Variants in PRSS8 observed in about 807,000 individuals in gnomAD.
PRSS8 encodes the protein serine protease 8.
A neutral mutation model predicts 26.7 loss-of-function variants in PRSS8; 11 were observed. The ratio of observed to expected loss-of-function variants is 0.41; its 90% CI spans 0.26 to 0.68. PRSS8 has a LOEUF of 0.68. Among genes scored for constraint, PRSS8 ranks in the 30% least tolerant of loss-of-function variants. The probability of loss-of-function intolerance (pLI) is 0.30; values close to 1 mark genes in which losing one functional copy is unlikely to be tolerated. For synonymous variants in PRSS8, 183 were observed against 187.0 expected (o/e 0.98, Z 0.17); for missense variants, 362 against 443.5 (o/e 0.82, Z 1.65).
chr16:31,132,896 G>A lies in PRSS8; in HGVS notation c.324C>T (p.Tyr108=). The A allele has an allele frequency of 6.2e-7, 1 of 1,613,662 alleles. No individual in the cohort carries two copies. The highest frequency in any genetic ancestry group is 2.2e-5 in the East Asian group (1 of 44,872). ...VKLGAHQLDS[Y]SEDAKVSTLK... ...GGGTGCTGACCTTGGCGTCCTCGGA[G>A]TAGGAGTCTAGCTGGTGGGCCCCCA... is the stretch of plus-strand genomic sequence containing the variant. The change falls in exon 4 of 6, where the codon TAC becomes TAT. Residue 108 remains tyrosine (Y), a synonymous_variant. Transcript: ENST00000317508. This position sits in a 1 kb window ranked among gnomAD's most constrained non-coding sequence, Gnocchi z 5.2.
Position 31,133,763 on chromosome 16 carries a change from T to C in PRSS8, c.104-375A>G, listed in dbSNP as rs540613126. 6.6e-6 allele frequency among the ~76,000 whole-genome samples: 1 copy of C among 152,338 alleles called. No homozygotes were observed. The highest frequency in any genetic ancestry group is 1.9e-4 in the East Asian group (1 of 5,186). ...GTCCCCTCTGGACCCTTCAGTTGTG[T>C]ACATCAGGCCACACACTTGTTTACC... On this transcript the variant is annotated intron_variant, in intron 2 of 5. Coordinates refer to ENST00000317508, the MANE Select transcript of PRSS8 (RefSeq NM_002773.5). This position sits in a 1 kb window ranked among gnomAD's most constrained non-coding sequence, Gnocchi z 4.7.
rs374244810 is a variant in PRSS8, at chr16:31,133,393, C to T, written c.104-5G>A. The T allele has an allele frequency of 1.5e-4, 249 of 1,613,604 alleles. No homozygotes were observed. The highest frequency in any genetic ancestry group is 2.5e-4 in the Admixed American group (15 of 59,986). ...GGGGGGCCACACCGCAGGGAGCTGCCCAGGGAGGAAGGGAAGGGGTCAGGT... is the reference window on the plus strand; with the variant it reads ...GGGGGGCCACACCGCAGGGAGCTGCTCAGGGAGGAAGGGAAGGGGTCAGGT... On this transcript the variant is annotated splice_region_variant and splice_polypyrimidine_tract_variant and intron_variant, in intron 2 of 5. Transcript: ENST00000317508. This position sits in a 1 kb window ranked among gnomAD's most constrained non-coding sequence, Gnocchi z 4.7.
chr16:31,132,770 G>A lies in PRSS8; in HGVS notation c.450C>T (p.Ile150=). The change falls in exon 4 of 6, where the codon ATC becomes ATT. Residue 150 remains isoleucine (I), a synonymous_variant. Transcript: ENST00000317508. The surrounding 1 kb of genome is among the most constrained non-coding windows in gnomAD (Gnocchi z 5.2). ...TGGCTGCAGGGAGGCAGATGGGCCGGATGTAGCGGGAGAAGGTGATGGGTC... is the reference window on the plus strand; with the variant it reads ...TGGCTGCAGGGAGGCAGATGGGCCGAATGTAGCGGGAGAAGGTGATGGGTC... ...LSRPITFSRY[I]RPICLPAANA... is the part of the protein sequence containing the mutation. 6.2e-7 allele frequency: 1 copy of A among 1,614,018 alleles called. No individual in the cohort carries two copies. Among genetic ancestry groups the A allele is most frequent in the African/African-American group, 1.3e-5 (1 of 75,048 alleles).
Position 31,132,001 on chromosome 16 carries a change from G to A in PRSS8, c.*8C>T, listed in dbSNP as rs1412925739. ...GTGTGATGCATCCATCCTGGAAGTA[G>A]GGCCAGCTCAGTGCTCGCTGAGCCA... On this transcript the variant is annotated 3_prime_UTR_variant, in exon 6 of 6. Coordinates refer to ENST00000317508, the MANE Select transcript of PRSS8 (RefSeq NM_002773.5). The surrounding 1 kb of genome is among the most constrained non-coding windows in gnomAD (Gnocchi z 5.2). 2 of 1,541,890 alleles carry A rather than the reference G, an allele frequency of 1.3e-6. No homozygotes were observed. Among genetic ancestry groups the A allele is most frequent in the Non-Finnish European group, 1.8e-6 (2 of 1,141,988 alleles).
In PRSS8 at chr16:31,132,302, C is replaced by T; in HGVS notation, c.739G>A (p.Glu247Lys). Residue 247 changes from glutamate to lysine, a missense_variant, in exon 6 of 6, where the codon GAG becomes AAG. Glu to Lys is a moderately conservative substitution (Grantham distance 56). Transcript: ENST00000317508. The surrounding 1 kb of genome is among the most constrained non-coding windows in gnomAD (Gnocchi z 5.2). Reference protein sequence around the residue: ...DSGGPLSCPVEGLWYLTGIVS... With the variant: ...DSGGPLSCPVKGLWYLTGIVS... ...ATGCCCGTCAGGTACCAGAGACCCTCCACAGGGCAGGAGAGTGGGCCCCCA... is the reference window on the plus strand; with the variant it reads ...ATGCCCGTCAGGTACCAGAGACCCTTCACAGGGCAGGAGAGTGGGCCCCCA... 1 of 1,613,896 alleles carries T rather than the reference C, an allele frequency of 6.2e-7. No homozygotes were observed. The highest frequency in any genetic ancestry group is 8.5e-7 in the Non-Finnish European group (1 of 1,179,848).
chr16:31,132,800 G>A lies in PRSS8; in HGVS notation c.420C>T (p.Leu140=). Residue 140 remains leucine (L), a synonymous_variant, in exon 4 of 6, where the codon CTC becomes CTT. Coordinates refer to ENST00000317508, the MANE Select transcript of PRSS8 (RefSeq NM_002773.5). This position sits in a 1 kb window ranked among gnomAD's most constrained non-coding sequence, Gnocchi z 5.2. ...GSQGDIALLQ[L]SRPITFSRYI... ...AGCGGGAGAAGGTGATGGGTCTGCT[G>A]AGTTGGAGGAGTGCAATGTCGCCCT... 1.9e-6 allele frequency: 3 copies of A among 1,613,992 alleles called. No homozygotes were observed. The highest frequency in any genetic ancestry group is 2.5e-6 in the Non-Finnish European group (3 of 1,179,880).
chr16:31,133,154 C>G lies in PRSS8; in HGVS notation c.266+72G>C, dbSNP rs138112584. On this transcript the variant is annotated intron_variant, in intron 3 of 5. Coordinates refer to ENST00000317508, the MANE Select transcript of PRSS8 (RefSeq NM_002773.5). This position sits in a 1 kb window ranked among gnomAD's most constrained non-coding sequence, Gnocchi z 4.7. ...GACACTCTCAGACCCAACCCAAGAA[C>G]CCCAACCTCTGACCTGGATTGACCC... 3.6e-4 allele frequency: 575 copies of G among 1,607,262 alleles called. 1 individual carries two copies. In the African/African-American group the frequency reaches 5.9e-3, roughly 16 times the overall value.
Position 31,132,467 on chromosome 16 carries a change from A to G in PRSS8, c.667T>C (p.Cys223Arg). ...EPHFVQEDMV[C>R]AGYVEGGKDA... ...TTGCCCCCCTCCACATAGCCAGCAC[A>G]CACCATGTCCTCTTGGACAAAGTGC... Residue 223 changes from cysteine to arginine, a missense_variant, in exon 5 of 6, where the codon TGT becomes CGT. Coordinates refer to ENST00000317508, the MANE Select transcript of PRSS8 (RefSeq NM_002773.5). This position sits in a 1 kb window ranked among gnomAD's most constrained non-coding sequence, Gnocchi z 5.2. The G allele has an allele frequency of 1.2e-6, 2 of 1,613,970 alleles. No individual in the cohort carries two copies. Among genetic ancestry groups the G allele is most frequent in the Non-Finnish European group, 1.7e-6 (2 of 1,179,868 alleles).
chr16:31,131,899 G>A lies in PRSS8; in HGVS notation c.*110C>T. 1 of 1,268,708 alleles carries A rather than the reference G, an allele frequency of 7.9e-7. No homozygotes were observed. Among genetic ancestry groups the A allele is most frequent in the Non-Finnish European group, 1.1e-6 (1 of 942,666 alleles). 78.6% of individuals were successfully genotyped at this position (1,268,708 alleles called of 1,614,324 possible). A position where few individuals can be genotyped will look rare whatever the true frequency, so the allele number is the denominator to read the frequency against. The stretch of plus-strand genomic sequence containing the variant: ...AGATGGGGCCCCAGCCTCCCGCAGA[G>A]TCCTGAAGGAAGGAGTGGCTCAAGT... On this transcript the variant is annotated 3_prime_UTR_variant, in exon 6 of 6. Transcript: ENST00000317508.
Position 31,133,040 on chromosome 16 carries a change from C to G in PRSS8, c.267-87G>C, listed in dbSNP as rs551529962. On this transcript the variant is annotated intron_variant, in intron 3 of 5. Coordinates refer to ENST00000317508, the MANE Select transcript of PRSS8 (RefSeq NM_002773.5). This position sits in a 1 kb window ranked among gnomAD's most constrained non-coding sequence, Gnocchi z 4.7. ...GCCAACCCCTGATTCCGATCAGCCC[C>G]TTTTAGGTCTCAAATTGCACCTTAG... 6.3e-7 allele frequency: 1 copy of G among 1,584,484 alleles called. No individual in the cohort carries two copies. The highest frequency in any genetic ancestry group is 8.6e-7 in the Non-Finnish European group (1 of 1,166,332).
Position 31,133,670 on chromosome 16 carries a change from C to T in PRSS8, c.104-282G>A, listed in dbSNP as rs2057592404. Among the ~76,000 whole-genome samples, 1 of 152,226 alleles carries T rather than the reference C, an allele frequency of 6.6e-6. No individual in the cohort carries two copies. Among genetic ancestry groups the T allele is most frequent in the African/African-American group, 2.4e-5 (1 of 41,454 alleles). ...ACCAGGCCACAGCCCTGCTTAAACCCTTCTTGGCTCCACGCGGTCCTTAAG... is the reference window on the plus strand; with the variant it reads ...ACCAGGCCACAGCCCTGCTTAAACCTTTCTTGGCTCCACGCGGTCCTTAAG... On this transcript the variant is annotated intron_variant, in intron 2 of 5. Coordinates refer to ENST00000317508, the MANE Select transcript of PRSS8 (RefSeq NM_002773.5). This position sits in a 1 kb window ranked among gnomAD's most constrained non-coding sequence, Gnocchi z 4.7.
In PRSS8 at chr16:31,133,450, A is replaced by G. The variant is rs1596830685; in HGVS notation, c.104-62T>C. 1.9e-6 allele frequency: 3 copies of G among 1,590,798 alleles called. No homozygotes were observed. The East Asian group carries it at 6.7e-5, about 36-fold the overall frequency. On this transcript the variant is annotated intron_variant, in intron 2 of 5. Transcript: ENST00000317508. This position sits in a 1 kb window ranked among gnomAD's most constrained non-coding sequence, Gnocchi z 4.7. Reference sequence around the variant, plus strand: ...CCTGGCCACTCCTATGCAGCCCAGGAGCTCTGATATAGAGCTTGGGAAGTG... The same window carrying G: ...CCTGGCCACTCCTATGCAGCCCAGGGGCTCTGATATAGAGCTTGGGAAGTG...
At position 31,133,737 on chromosome 16, in the gene PRSS8, C is replaced by T. The variant is rs1167543318; in HGVS notation, c.104-349G>A. On this transcript the variant is annotated intron_variant, in intron 2 of 5. Coordinates refer to ENST00000317508, the MANE Select transcript of PRSS8 (RefSeq NM_002773.5). This position sits in a 1 kb window ranked among gnomAD's most constrained non-coding sequence, Gnocchi z 4.7. ...CCATGGCACCGCCATCGGACCCAGCCGTCCCCTCTGGACCCTTCAGTTGTG... is the reference window on the plus strand; with the variant it reads ...CCATGGCACCGCCATCGGACCCAGCTGTCCCCTCTGGACCCTTCAGTTGTG... Among the ~76,000 whole-genome samples, 4 of 152,330 alleles carry T rather than the reference C, an allele frequency of 2.6e-5. No homozygotes were observed. The South Asian group carries it at 6.2e-4, about 24-fold the overall frequency.
intron 2 of PRSS8, chr16:31,134,199 G>T: frequency 6.6e-6 from 1 of 152,532 alleles, no homozygotes; most frequent in Non-Finnish European, 1.5e-5. Flanking sequence ...TTGGAGTGGA[G>T]CCCAACTGCT....
In PRSS8 at chr16:31,133,449, G is replaced by T. The variant is rs557530050; in HGVS notation, c.104-61C>A. On this transcript the variant is annotated intron_variant, in intron 2 of 5. Transcript: ENST00000317508. The surrounding 1 kb of genome is among the most constrained non-coding windows in gnomAD (Gnocchi z 4.7). Reference sequence around the variant, plus strand: ...GCCTGGCCACTCCTATGCAGCCCAGGAGCTCTGATATAGAGCTTGGGAAGT... The same window carrying T: ...GCCTGGCCACTCCTATGCAGCCCAGTAGCTCTGATATAGAGCTTGGGAAGT... 2.9e-5 allele frequency: 46 copies of T among 1,592,176 alleles called. No individual in the cohort carries two copies. The African/African-American group carries it at 5.9e-4, about 20-fold the overall frequency.
rs1173117294 is a variant in PRSS8, at chr16:31,132,070, A to C, written c.971T>G (p.Ile324Ser). The change falls in exon 6 of 6, where the codon ATC (isoleucine) becomes AGC (serine). Residue 324 changes from isoleucine to serine, a missense_variant. Coordinates refer to ENST00000317508, the MANE Select transcript of PRSS8 (RefSeq NM_002773.5). The surrounding 1 kb of genome is among the most constrained non-coding windows in gnomAD (Gnocchi z 5.2). ...SAPAQGLLRP[I>S]LFLPLGLALG... ...AGCCAGGCCCAGAGGCAGGAAAAGG[A>C]TGGGCCTCAGCAAGCCCTGGGCTGG... 6.2e-6 allele frequency: 10 copies of C among 1,604,066 alleles called. No homozygotes were observed. The highest frequency in any genetic ancestry group is 8.5e-6 in the Non-Finnish European group (10 of 1,175,414).
In PRSS8 at chr16:31,133,539, C is replaced by T. The variant is rs932327280; in HGVS notation, c.104-151G>A. 4.4e-6 allele frequency: 4 copies of T among 918,298 alleles called. No homozygotes were observed. The African/African-American group carries it at 5.0e-5, about 11-fold the overall frequency. The allele number at this position is 918,298 out of a possible 1,614,324, so 56.9% of individuals were successfully genotyped here. On this transcript the variant is annotated intron_variant, in intron 2 of 5. Coordinates refer to ENST00000317508, the MANE Select transcript of PRSS8 (RefSeq NM_002773.5). This position sits in a 1 kb window ranked among gnomAD's most constrained non-coding sequence, Gnocchi z 4.7. ...CATGGGCAGTTGTGCCCCTTCTGTC[C>T]ACTACCCATTACCTAATTCAGGTCT...
rs746207983 is a variant in PRSS8, at chr16:31,133,364, G to A, written c.128C>T (p.Ala43Val). The A allele has an allele frequency of 1.2e-6, 2 of 1,613,948 alleles. No homozygotes were observed. The highest frequency in any genetic ancestry group is 1.7e-6 in the Non-Finnish European group (2 of 1,179,884). The change falls in exon 3 of 6, where the codon GCA (alanine) becomes GTA (valine). Residue 43 changes from alanine to valine, a missense_variant. Ala to Val is a moderately conservative substitution (Grantham distance 64). Coordinates refer to ENST00000317508, the MANE Select transcript of PRSS8 (RefSeq NM_002773.5). This position sits in a 1 kb window ranked among gnomAD's most constrained non-coding sequence, Gnocchi z 4.7. ...TGCACTGCTGCCACCTGTGATGCGTGCTTGGGGGGCCACACCGCAGGGAGC... is the reference window on the plus strand; with the variant it reads ...TGCACTGCTGCCACCTGTGATGCGTACTTGGGGGGCCACACCGCAGGGAGC... ...AEAPCGVAPQ[A>V]RITGGSSAVA...
In PRSS8 at chr16:31,133,019, A is replaced by G; in HGVS notation, c.267-66T>C. ...CCTTGTTCCCCAACCCCCACTGCCA[A>G]CCCCTGATTCCGATCAGCCCCTTTT... On this transcript the variant is annotated intron_variant, in intron 3 of 5. Coordinates refer to ENST00000317508, the MANE Select transcript of PRSS8 (RefSeq NM_002773.5). The surrounding 1 kb of genome is among the most constrained non-coding windows in gnomAD (Gnocchi z 4.7). 2 of 1,583,364 alleles carry G rather than the reference A, an allele frequency of 1.3e-6. No individual in the cohort carries two copies. The highest frequency in any genetic ancestry group is 1.7e-6 in the Non-Finnish European group (2 of 1,166,304).
Sources: gnomAD v4.1 joint callset for allele counts (sites outside exome capture counted in the v4.1 genomes callset) on GRCh38, gnomAD v4.1.1 for gene constraint, Gnocchi (gnomAD v3.1) non-coding constraint, MANE v1.5 for transcripts, NCBI Gene and HGNC (gene_info 2026-07-23, HGNC 2026-07-21) for gene names.